CFAP61: variants seen among roughly 807,000 people sequenced by gnomAD.
CFAP61 encodes the protein cilia and flagella associated protein 61.
CFAP61 carries 107 observed loss-of-function variants against 135.6 expected under a neutral mutation model. The observed-to-expected ratio is 0.79, with a 90% CI of 0.67 to 0.93. The LOEUF (loss-of-function observed/expected upper bound fraction) is 0.93. Among genes scored for constraint, CFAP61 ranks in the 40% least tolerant of loss-of-function variants. CFAP61 has a pLI of 0.00. For missense variants in CFAP61, 1,507 were observed against 1,556.2 expected (o/e 0.97, Z 0.53); for synonymous variants, 575 against 578.5 (o/e 0.99, Z 0.09).
intron 26 of CFAP61, among the ~76,000 whole-genome samples, chr20:20,346,027 G>A (rs1320334117): frequency 2.3e-4 from 32 of 137,734 alleles, no homozygotes; most frequent in Non-Finnish European, 3.3e-4. Flanking sequence ...TCAGCCTCCC[G>A]AGTAGCTGGG....
intron 25 of CFAP61, among the ~76,000 whole-genome samples, chr20:20,320,336 T>TC (rs2057383509): frequency 1.0e-5 from 1 of 99,278 alleles, no homozygotes; most frequent in Non-Finnish European, 1.9e-5. Flanking sequence ...ATATATATAT[T>TC]ATATATATGT....
chr20:20,077,563 A>T (rs934135328), intron 6 of CFAP61, among the ~76,000 whole-genome samples: 3 of 152,234 alleles, frequency 2.0e-5, no homozygotes, highest in Admixed American at 6.5e-5. Flanking sequence ...CAGCCCCAGG[A>T]GGTCCTGAGA....
chr20:20,338,368 C>T (rs867091380), intron 25 of CFAP61, among the ~76,000 whole-genome samples: 8 of 152,196 alleles, frequency 5.3e-5, no homozygotes, highest in South Asian at 2.1e-4. Context: ...TCTCTGTAGG[C>T]GTGAGTGTCA....
intron 13 of CFAP61, among the ~76,000 whole-genome samples, chr20:20,180,763 C>T (rs1395656560): frequency 6.6e-6 from 1 of 152,044 alleles, no homozygotes; most frequent in African/African-American, 2.4e-5. Flanking sequence ...TCTAAATGCC[C>T]GTCAGTGTTA....
At chr20:20,221,852 C>A (rs1434512056) in intron 17 of CFAP61, 1 of 152,182 alleles carries the variant, frequency 6.6e-6, no homozygotes, top group East Asian at 1.9e-4. Context: ...TTTATGGGAA[C>A]ACAACAATAA....
chr20:20,169,383 C>T lies in CFAP61; in HGVS notation c.1308C>T (p.Asn436=), dbSNP rs6075630. ...CCCCCGAGTTCTTCCTCATCCAGAA[C>T]TTCGTGAAAATGGTCCCTTTCAACA... ...HLTPEFFLIQ[N]FVKMVPFNTC... is the part of the protein sequence containing the mutation. Residue 436 remains asparagine, a synonymous_variant, in exon 13 of 27, where the codon AAC becomes AAT. Transcript: ENST00000245957. The T allele has an allele frequency of 0.25, 397,971 of 1,613,302 alleles. 52,603 individuals are homozygous for T. Among genetic ancestry groups the T allele is most frequent in the Middle Eastern group, 0.29 (1,768 of 6,058 alleles).
intron 2 of CFAP61, among the ~76,000 whole-genome samples, chr20:20,064,822 A>G (rs2045115745): frequency 6.6e-6 from 1 of 152,150 alleles, no homozygotes; most frequent in Non-Finnish European, 1.5e-5. Context: ...TCAAAATCCT[A>G]ACAAGATTAT....
In CFAP61 at chr20:20,090,891, C is replaced by G; in HGVS notation, c.614C>G (p.Thr205Arg). 4 of 1,614,064 alleles carry G rather than the reference C, an allele frequency of 2.5e-6. No individual in the cohort carries two copies. Among genetic ancestry groups the G allele is most frequent in the Non-Finnish European group, 3.4e-6 (4 of 1,179,990 alleles). The change falls in exon 7 of 27, where the codon ACA becomes AGA. Residue 205 changes from threonine to arginine, a missense_variant. Physicochemically the swap from Thr to Arg is moderately conservative, Grantham distance 71. Transcript: ENST00000245957. Reference sequence around the variant, plus strand: ...ATGCCAATATTTATGCGCTATGACACAATTCTGAAGGAAACTTACGGTGAA... The same window carrying G: ...ATGCCAATATTTATGCGCTATGACAGAATTCTGAAGGAAACTTACGGTGAA... ...DLMPIFMRYD[T>R]ILKETYGEYF...
At chr20:20,200,655 A>G (rs1371710819) in intron 17 of CFAP61, 5 of 979,890 alleles carry the variant, frequency 5.1e-6, no homozygotes, top group Non-Finnish European at 6.1e-6. Flanking sequence ...AAAATCCCTC[A>G]GTGGGCTAAC....
chr20:20,196,364 A>G (rs1386363221), intron 15 of CFAP61, among the ~76,000 whole-genome samples: 2 of 152,232 alleles, frequency 1.3e-5, no homozygotes, highest in African/African-American at 2.4e-5. Flanking sequence ...CCATCCCCCA[A>G]AGACAATCCA....
At chr20:20,106,050 A>ATATATATATATATATATATATATATAT (rs1568916492) in intron 8 of CFAP61, among the ~76,000 whole-genome samples, 1 of 110,754 alleles carries the variant, frequency 9.0e-6, no homozygotes, top group African/African-American at 5.0e-5. Flanking sequence ...ATATATATAT[A>ATATATATATATATATATATATATATAT]AAATTTGATT....
intron 17 of CFAP61, chr20:20,200,726 C>T: frequency 1.0e-6 from 1 of 985,318 alleles, no homozygotes; most frequent in Non-Finnish European, 1.2e-6. Flanking sequence ...CAAACACTTA[C>T]CCAAGGAGCT....
intron 8 of CFAP61, among the ~76,000 whole-genome samples, chr20:20,140,340 C>T (rs2051281287): frequency 1.4e-5 from 2 of 145,328 alleles, no homozygotes; most frequent in African/African-American, 5.2e-5. Flanking sequence ...CTATCCCTCC[C>T]ACCTCCCCCC....
At chr20:20,152,765 A>G (rs762122206) in intron 9 of CFAP61, among the ~76,000 whole-genome samples, 4 of 152,194 alleles carry the variant, frequency 2.6e-5, no homozygotes, top group African/African-American at 7.2e-5. Flanking sequence ...TGGCAACACA[A>G]TAATAGTGGG....
intron 8 of CFAP61, among the ~76,000 whole-genome samples, chr20:20,108,524 GA>G (rs60347364): frequency 0.099 from 14,948 of 150,652 alleles, 1,552 homozygotes; most frequent in East Asian, 0.6. Flanking sequence ...AATCTCAGGT[GA>G]AAAAAAAATC....
Position 20,070,929 on chromosome 20 carries a change from C to A in CFAP61, c.219C>A (p.Tyr73Ter), listed in dbSNP as rs964199067. The stretch of plus-strand genomic sequence containing the variant: ...TGGCCCAGGCCACCTTCCTGGACTA[C>A]CCCAACTGGAATGTTGCCAAGCAGG... The part of the protein sequence containing the change: ...EIMAQATFLD[Y>*]PNWNVAKQDD... The change falls in exon 3 of 27, where the codon TAC becomes TAA. Residue 73 changes from tyrosine (Y) to a stop codon, truncating the protein, a stop_gained. Coordinates refer to ENST00000245957, the MANE Select transcript of CFAP61 (RefSeq NM_015585.4). LOFTEE classifies it high-confidence loss of function. 2 of 1,614,108 alleles carry A rather than the reference C, an allele frequency of 1.2e-6. No individual in the cohort carries two copies. The highest frequency in any genetic ancestry group is 1.7e-6 in the Non-Finnish European group (2 of 1,179,976).
intron 8 of CFAP61, among the ~76,000 whole-genome samples, chr20:20,136,302 C>T (rs916604165): frequency 1.3e-5 from 2 of 152,126 alleles, no homozygotes; most frequent in Admixed American, 6.6e-5. Context: ...TTCTCTGTTA[C>T]TATCCCCTTG....
In CFAP61 at chr20:20,136,763, G is replaced by A. The variant is rs528972348; in HGVS notation, c.860-6094G>A. 2.0e-5 allele frequency among the ~76,000 whole-genome samples: 3 copies of A among 152,262 alleles called. No individual in the cohort carries two copies. The East Asian group carries it at 5.8e-4, about 29-fold the overall frequency. On this transcript the variant is annotated intron_variant, in intron 8 of 26. Coordinates refer to ENST00000245957, the MANE Select transcript of CFAP61 (RefSeq NM_015585.4). ...CCTGGTGCCTTATTTAGTTAGTCTG[G>A]CGAAGTCATGTTTTTCTGGTTGGAT...
chr20:20,138,238 G>A (rs1034589406), intron 8 of CFAP61, among the ~76,000 whole-genome samples: 5 of 152,202 alleles, frequency 3.3e-5, no homozygotes, highest in East Asian at 3.8e-4. Context: ...GAGGGGTAAC[G>A]CAAGCACTCT....
Sources: gnomAD v4.1 joint callset for allele counts (sites outside exome capture counted in the v4.1 genomes callset) on GRCh38, gnomAD v4.1.1 for gene constraint, MANE v1.5 for transcripts, NCBI Gene and HGNC (gene_info 2026-07-23, HGNC 2026-07-21) for gene names.